Variants in FAT4 observed in about 807,000 individuals in gnomAD.
The protein encoded by FAT4 is protocadherin Fat 4.
A neutral mutation model predicts 303.9 loss-of-function variants in FAT4; 84 were observed. The observed-to-expected ratio is 0.28, with a 90% CI of 0.23 to 0.33. The LOEUF is 0.33. Ranked by LOEUF, FAT4 falls within the 10% of genes least tolerant of loss-of-function variation. FAT4 has a pLI of 1.00. For missense variants in FAT4, 6,005 were observed against 6,146.8 expected (o/e 0.98, Z 0.77); for synonymous variants, 2,307 against 2,298.8 (o/e 1.00, Z -0.10).
Position 125,450,949 on chromosome 4 carries a change from T to C in FAT4, c.9939T>C (p.Ala3313=). ...ACTATTTTGAAATCTCAGAAGCAGC[T>C]CCTAAAGGTACTATTGTTGGAGAAG... ...KLYYFEISEA[A]PKGTIVGEVF... is the part of the protein sequence containing the mutation. The change falls in exon 10 of 18, where the codon GCT becomes GCC. Residue 3313 remains alanine, a synonymous_variant. Transcript: ENST00000394329. The C allele has an allele frequency of 6.2e-7, 1 of 1,614,132 alleles. No individual in the cohort carries two copies. The highest frequency in any genetic ancestry group is 8.5e-7 in the Non-Finnish European group (1 of 1,180,016).
rs757162917 is a variant in FAT4 at position 125,318,484 on chromosome 4, G to C, written c.2073G>C (p.Pro691=). ...ATGATAACAGCCCTGTCTTCTACCC[G>C]GTCCAATACTTTGCTCACATTAAGG... ...DINDNSPVFY[P]VQYFAHIKEN... Residue 691 remains proline, a synonymous_variant, in exon 2 of 18, where the codon CCG becomes CCC. Coordinates refer to ENST00000394329, the MANE Select transcript of FAT4 (RefSeq NM_001291303.3). The C allele has an allele frequency of 2.5e-6, 4 of 1,614,054 alleles. No homozygotes were observed. Among genetic ancestry groups the C allele is most frequent in the East Asian group, 2.2e-5 (1 of 44,874 alleles).
rs533010729 is a variant in FAT4, at chr4:125,395,321, C to A, written c.5176-3463C>A. 1.8e-4 allele frequency among the ~76,000 whole-genome samples: 28 copies of A among 152,110 alleles called. 1 individual carries two copies. The highest frequency in any genetic ancestry group is 4.1e-4 in the Non-Finnish European group (28 of 67,978). On this transcript the variant is annotated intron_variant, in intron 2 of 17. Transcript: ENST00000394329. ...AAGTTATTCACTTTTCTTTTTTATTCTTTTTTGAGACAGAGTCTCACTCTG... is the reference window on the plus strand; with the variant it reads ...AAGTTATTCACTTTTCTTTTTTATTATTTTTTGAGACAGAGTCTCACTCTG...
intron 2 of FAT4, among the ~76,000 whole-genome samples, chr4:125,361,674 GAGAA>G (rs1454990261): frequency 1.3e-5 from 2 of 152,132 alleles, no homozygotes; most frequent in Non-Finnish European, 2.9e-5. Context: ...AAGCCACACA[GAGAA>G]AGAGTTATTT....
At chr4:125,346,385 A>C (rs1487292647) in intron 2 of FAT4, among the ~76,000 whole-genome samples, 1 of 151,730 alleles carries the variant, frequency 6.6e-6, no homozygotes, top group East Asian at 1.9e-4. Flanking sequence ...AGAAAAAAAA[A>C]CTTGCAGATT....
At chr4:125,331,778 T>G (rs1181272417) in intron 2 of FAT4, among the ~76,000 whole-genome samples, 2 of 152,214 alleles carry the variant, frequency 1.3e-5, no homozygotes, top group African/African-American at 2.4e-5. Context: ...CTTTAATTAC[T>G]GTCATTCCTT....
At chr4:125,370,992 A>G (rs551808507) in intron 2 of FAT4, among the ~76,000 whole-genome samples, 2 of 151,838 alleles carry the variant, frequency 1.3e-5, no homozygotes, top group East Asian at 3.9e-4. Flanking sequence ...CTAAAACTAC[A>G]AAAAAATTAG....
chr4:125,329,185 A>G (rs1731275694), intron 2 of FAT4, among the ~76,000 whole-genome samples: 1 of 152,066 alleles, frequency 6.6e-6, no homozygotes, highest in Admixed American at 6.6e-5. Context: ...TTGCAGCAAA[A>G]CTTTTTGAAA....
rs1007593253 is a variant in FAT4, at chr4:125,445,654, C to G, written c.7200-639C>G. On this transcript the variant is annotated intron_variant, in intron 8 of 17. Transcript: ENST00000394329. ...AGAGAGAAGCTTTTCTCAGTGGAAACTCTTGCCCGTTAACCTATCTGGTTA... is the reference window on the plus strand; with the variant it reads ...AGAGAGAAGCTTTTCTCAGTGGAAAGTCTTGCCCGTTAACCTATCTGGTTA... Among the ~76,000 whole-genome samples the G allele has an allele frequency of 1.4e-4, 22 of 152,080 alleles. 1 individual carries two copies. The highest frequency in any genetic ancestry group is 4.4e-5 in the Non-Finnish European group (3 of 68,000).
chr4:125,373,952 AT>A (rs1240496921), intron 2 of FAT4, among the ~76,000 whole-genome samples: 1 of 152,220 alleles, frequency 6.6e-6, no homozygotes, highest in Non-Finnish European at 1.5e-5. Flanking sequence ...ATTTCAGACG[AT>A]TTCCTATTTA....
intron 2 of FAT4, among the ~76,000 whole-genome samples, chr4:125,331,572 TA>T (rs573788752): frequency 1.5e-4 from 23 of 152,308 alleles, no homozygotes; most frequent in African/African-American, 5.3e-4. Flanking sequence ...GATGTTTTGG[TA>T]AAGTAGAACA....
intron 16 of FAT4, among the ~76,000 whole-genome samples, chr4:125,484,683 A>C (rs1727347356): frequency 6.6e-6 from 1 of 152,158 alleles, no homozygotes; most frequent in Non-Finnish European, 1.5e-5. Flanking sequence ...CCTACTATAC[A>C]CCTAGGCTAT....
At chr4:125,429,077 G>A (rs1423009312) in intron 7 of FAT4, among the ~76,000 whole-genome samples, 1 of 152,062 alleles carries the variant, frequency 6.6e-6, no homozygotes, top group East Asian at 1.9e-4. Context: ...CTTCTCATGG[G>A]ATTCACGTTT....
chr4:125,452,962 C>G (rs902867512), intron 10 of FAT4, 152 bp downstream of exon 10: 10 of 994,266 alleles, frequency 1.0e-5, no homozygotes, highest in South Asian at 3.7e-5. Context: ...AAATACTGTT[C>G]TAAGCACTTT....
At chr4:125,446,237 A>G (rs1035242241) in intron 8 of FAT4, 56 bp from the exon 9 acceptor site, 1 of 1,427,026 alleles carries the variant, frequency 7.0e-7, no homozygotes, top group African/African-American at 1.4e-5. Context: ...TATAGTAAAT[A>G]GAAGTTACGA....
chr4:125,355,487 G>C (rs566540435), intron 2 of FAT4, among the ~76,000 whole-genome samples: 1 of 152,076 alleles, frequency 6.6e-6, no homozygotes, highest in African/African-American at 2.4e-5. Flanking sequence ...AACTTGGTTT[G>C]AGTGTCAGCT....
Position 125,490,953 on chromosome 4 carries a change from A to G in FAT4, c.14137A>G (p.Thr4713Ala), listed in dbSNP as rs1408694518. ...TCCAGCCCCTTTCTCCAAATCTTCT[A>G]CGTTCTATAGAAACAGCCCAGCAAG... ...HSPAPFSKSS[T>A]FYRNSPAREL... is the part of the protein sequence containing the mutation. The change falls in exon 18 of 18, where the codon ACG becomes GCG. Residue 4713 changes from threonine (T) to alanine (A), a missense_variant. Transcript: ENST00000394329. 5 of 1,614,028 alleles carry G rather than the reference A, an allele frequency of 3.1e-6. No individual in the cohort carries two copies. The highest frequency in any genetic ancestry group is 2.7e-5 in the African/African-American group (2 of 74,918).
intron 7 of FAT4, among the ~76,000 whole-genome samples, chr4:125,418,301 G>A (rs1735151799): frequency 1.3e-5 from 2 of 152,108 alleles, no homozygotes; most frequent in Admixed American, 6.6e-5. Flanking sequence ...TTAGCCCAGA[G>A]ATAGGTCAAC....
Position 125,492,238 on chromosome 4 carries a change from T to C in FAT4, c.*470T>C, listed in dbSNP as rs1288523681. ...CTATCGTGGAATGAAAGATTAAGTA[T>C]ATTAACACTTTTCAGAATGATAGTT... is the stretch of plus-strand genomic sequence containing the variant. On this transcript the variant is annotated 3_prime_UTR_variant, in exon 18 of 18. Coordinates refer to ENST00000394329, the MANE Select transcript of FAT4 (RefSeq NM_001291303.3). 1.3e-5 allele frequency: 2 copies of C among 155,792 alleles called. No homozygotes were observed. The highest frequency in any genetic ancestry group is 4.8e-5 in the African/African-American group (2 of 41,470). The allele number at this position is 155,792 out of a possible 1,614,324, so 9.7% of individuals were successfully genotyped here. A position where few individuals can be genotyped will look rare whatever the true frequency, so the allele number is the denominator to read the frequency against.
intron 2 of FAT4, among the ~76,000 whole-genome samples, chr4:125,386,690 T>G (rs1733763451): frequency 6.6e-6 from 1 of 152,188 alleles, no homozygotes; most frequent in South Asian, 2.1e-4. Context: ...CACATAAAAT[T>G]TTATTCATTA....
Sources: gnomAD v4.1 joint callset for allele counts (sites outside exome capture counted in the v4.1 genomes callset) on GRCh38, gnomAD v4.1.1 for gene constraint, MANE v1.5 for transcripts, NCBI Gene and HGNC (gene_info 2026-07-23, HGNC 2026-07-21) for gene names.